The following SLC39A6 variants were observed in gnomAD, a reference collection of about 807,000 sequenced individuals.
SLC39A6 encodes the protein zinc transporter ZIP6.
A neutral mutation model predicts 63.5 loss-of-function variants in SLC39A6; 51 were observed. The ratio of observed to expected loss-of-function variants is 0.80; its 90% confidence interval spans 0.64 to 1.01. The LOEUF (loss-of-function observed/expected upper bound fraction) is 1.01, where lower values mean the gene tolerates loss of function less well. Among genes scored for constraint, SLC39A6 ranks in the 50% least tolerant of loss-of-function variants. The probability of loss-of-function intolerance (pLI) is 0.00; values close to 1 mark genes in which losing one functional copy is unlikely to be tolerated. For synonymous variants in SLC39A6, 318 were observed against 324.7 expected (o/e 0.98, Z 0.22); for missense variants, 805 against 927.8 (o/e 0.87, Z 1.72).
intron 5 of SLC39A6, among the ~76,000 whole-genome samples, chr18:36,121,466 T>C (rs969007391): frequency 2.6e-5 from 4 of 152,202 alleles, no homozygotes; most frequent in African/African-American, 9.6e-5. Flanking sequence ...CCACATCATT[T>C]TTAAGAGTCT....
chr18:36,115,461 AAAC>A (rs59445780), intron 6 of SLC39A6, among the ~76,000 whole-genome samples: 13,224 of 147,434 alleles, frequency 0.09, 644 homozygotes, highest in African/African-American at 0.11. Context: ...AAAAAAATTA[AAAC>A]AACAACAACA....
At position 36,109,698 on chromosome 18, in the gene SLC39A6, G is replaced by T. The variant is rs776696423; in HGVS notation, c.2163C>A (p.Arg721=). The T allele has an allele frequency of 6.2e-7, 1 of 1,612,758 alleles. No homozygotes were observed. The highest frequency in any genetic ancestry group is 8.5e-7 in the Non-Finnish European group (1 of 1,179,060). The change falls in exon 10 of 10, where the codon CGC becomes CGA. Residue 721 remains arginine (R), a synonymous_variant. Transcript: ENST00000269187. ...CATTCTGTAAAAAGAAATACCCCCA[G>T]CGGCTACATCCATGGTCACTAGCAT... is the stretch of plus-strand genomic sequence containing the variant. ...HNDASDHGCS[R]WGYFFLQNAG...
At position 36,126,964 on chromosome 18, in the gene SLC39A6, A is replaced by G; in HGVS notation, c.44T>C (p.Leu15Pro). Reference sequence around the variant, plus strand: ...TTCATGAAGGGGATTTGTGACAGAGAGGGCAAAGGTCAGGATCAAGATTAC... The same window carrying G: ...TTCATGAAGGGGATTTGTGACAGAGGGGGCAAAGGTCAGGATCAAGATTAC... Reference protein sequence around the residue: ...LSVILILTFALSVTNPLHELK... With the variant: ...LSVILILTFAPSVTNPLHELK... The change falls in exon 2 of 10, where the codon CTC (leucine) becomes CCC (proline). Residue 15 changes from leucine (L) to proline (P), a missense_variant. Physicochemically the swap from Leu to Pro is moderately conservative, Grantham distance 98 (BLOSUM62 -3). Transcript: ENST00000269187. 4 of 1,614,194 alleles carry G rather than the reference A, an allele frequency of 2.5e-6. No individual in the cohort carries two copies. Among genetic ancestry groups the G allele is most frequent in the Non-Finnish European group, 3.4e-6 (4 of 1,180,012 alleles).
At position 36,109,709 on chromosome 18, in the gene SLC39A6, C is replaced by T; in HGVS notation, c.2152G>A (p.Gly718Arg). Reference protein sequence around the residue: ...EMLHNDASDHGCSRWGYFFLQ... With the variant: ...EMLHNDASDHRCSRWGYFFLQ... ...AAGAAATACCCCCAGCGGCTACATC[C>T]ATGGTCACTAGCATCATTGTGCAGC... Residue 718 changes from glycine to arginine, a missense_variant, in exon 10 of 10, where the codon GGA becomes AGA. Gly to Arg is a moderately radical substitution (Grantham distance 125). This residue lies in a region of SLC39A6 where 145 missense variants were observed against 227.2 expected (regional missense o/e 0.64). Transcript: ENST00000269187. 6.2e-7 allele frequency: 1 copy of T among 1,612,922 alleles called. No homozygotes were observed. Among genetic ancestry groups the T allele is most frequent in the Non-Finnish European group, 8.5e-7 (1 of 1,179,358 alleles).
chr18:36,123,943 T>A (rs1355131141), intron 3 of SLC39A6, among the ~76,000 whole-genome samples: 2 of 151,420 alleles, frequency 1.3e-5, no homozygotes, highest in Admixed American at 6.6e-5. Flanking sequence ...GAAAAAAAAA[T>A]GGTTACCAAG....
At chr18:36,124,416 T>A in intron 3 of SLC39A6, 104 bp downstream of exon 3, 1 of 664,134 alleles carries the variant, frequency 1.5e-6, no homozygotes. Context: ...AGATGACATA[T>A]TCAGAATTGT....
In SLC39A6 at chr18:36,114,224, G is replaced by A. The variant is rs765955056; in HGVS notation, c.1716C>T (p.Asn572=). The A allele has an allele frequency of 1.2e-6, 2 of 1,614,192 alleles. No individual in the cohort carries two copies. Among genetic ancestry groups the A allele is most frequent in the Non-Finnish European group, 1.7e-6 (2 of 1,180,034 alleles). Residue 572 remains asparagine (N), a synonymous_variant, in exon 7 of 10, where the codon AAC becomes AAT. Coordinates refer to ENST00000269187, the MANE Select transcript of SLC39A6 (RefSeq NM_012319.4). ...HHILHHHHHQ[N]HHPHSHSQRY... ...GCTGGCTGTGACTGTGAGGATGGTG[G>A]TTTTGGTGGTGGTGATGATGGAGAA...
At chr18:36,111,914 G>A (rs1007518244) in intron 8 of SLC39A6, among the ~76,000 whole-genome samples, 1 of 152,140 alleles carries the variant, frequency 6.6e-6, no homozygotes, top group Admixed American at 6.5e-5. Flanking sequence ...GGGAGGAATG[G>A]GTGGAGAACA....
intron 1 of SLC39A6, among the ~76,000 whole-genome samples, chr18:36,127,750 T>C (rs2089451369): frequency 6.7e-6 from 1 of 149,946 alleles, no homozygotes; most frequent in Admixed American, 6.8e-5. Context: ...CATACTCAAA[T>C]ACATGTATAC....
At chr18:36,113,359 A>G (rs1215640674) in intron 7 of SLC39A6, among the ~76,000 whole-genome samples, 2 of 152,050 alleles carry the variant, frequency 1.3e-5, no homozygotes, top group African/African-American at 2.4e-5. Context: ...TTGGCCACCC[A>G]AAGTGCTGGG....
rs2089328026 is a variant in SLC39A6 at position 36,114,489 on chromosome 18, A to G, written c.1466-15T>C. 6.3e-7 allele frequency: 1 copy of G among 1,592,748 alleles called. No homozygotes were observed. Among genetic ancestry groups the G allele is most frequent in the Non-Finnish European group, 8.5e-7 (1 of 1,170,804 alleles). On this transcript the variant is annotated splice_polypyrimidine_tract_variant and intron_variant, in intron 6 of 9. Transcript: ENST00000269187. ...GCCTTCAGTTCCTAGGAATAAACAT[A>G]AAGGGCATGGGGACAGTTAGAAGGC...
In SLC39A6 at chr18:36,126,562, T is replaced by C. The variant is rs766944788; in HGVS notation, c.446A>G (p.His149Arg). Reference protein sequence around the residue: ...KNKRKALCPDHDSDSSGKDPR... With the variant: ...KNKRKALCPDRDSDSSGKDPR... ...ATCTTTACCTGAACTATCTGAGTCA[T>C]GGTCTGGGCAAAGAGCTTTTCGCTT... is the stretch of plus-strand genomic sequence containing the variant. Residue 149 changes from histidine (H) to arginine (R), a missense_variant, in exon 2 of 10, where the codon CAT becomes CGT. By Grantham distance (29) the His-to-Arg change is conservative. Coordinates refer to ENST00000269187, the MANE Select transcript of SLC39A6 (RefSeq NM_012319.4). 2.2e-5 allele frequency: 35 copies of C among 1,614,098 alleles called. No homozygotes were observed. Among genetic ancestry groups the C allele is most frequent in the African/African-American group, 8.0e-5 (6 of 74,928 alleles).
At position 36,126,725 on chromosome 18, in the gene SLC39A6, C is replaced by A; in HGVS notation, c.283G>T (p.Asp95Tyr). The A allele has an allele frequency of 1.9e-6, 3 of 1,614,136 alleles. No individual in the cohort carries two copies. Among genetic ancestry groups the A allele is most frequent in the Non-Finnish European group, 2.5e-6 (3 of 1,179,996 alleles). Residue 95 changes from aspartate to tyrosine, a missense_variant, in exon 2 of 10, where the codon GAC becomes TAC. This residue lies in a region of SLC39A6 where 639 missense variants were observed against 644.0 expected (regional missense o/e 0.99). Transcript: ENST00000269187. ...DKIKRIHIHH[D>Y]HDHHSDHEHH... ...TCGTGGTCTGAGTGATGGTCGTGGT[C>A]ATGGTGTATATGGATTCTTTTAATC...
intron 9 of SLC39A6, among the ~76,000 whole-genome samples, chr18:36,109,982 T>C (rs1199491461): frequency 6.6e-6 from 1 of 152,190 alleles, no homozygotes; most frequent in African/African-American, 2.4e-5. Flanking sequence ...AAAGTTTGTA[T>C]TGGTTCCAGT....
At position 36,109,363 on chromosome 18, in the gene SLC39A6, T is replaced by C. The variant is rs1189987066; in HGVS notation, c.*230A>G. 2 of 334,294 alleles carry C rather than the reference T, an allele frequency of 6.0e-6. No homozygotes were observed. The highest frequency in any genetic ancestry group is 1.1e-5 in the Non-Finnish European group (2 of 184,206). 20.7% of individuals were successfully genotyped at this position (334,294 alleles called of 1,614,324 possible). On this transcript the variant is annotated 3_prime_UTR_variant, in exon 10 of 10. Transcript: ENST00000269187. ...CATGCCAAATCTCTTGTTTACATAA[T>C]AAACTGGTAATACCGGTGAATTGCA...
rs2089291082 is a variant in SLC39A6 at position 36,110,381 on chromosome 18, A to T, written c.2116-636T>A. On this transcript the variant is annotated intron_variant, in intron 9 of 9. Transcript: ENST00000269187. ...AAAATGATACATCAGAAGGATGTAG[A>T]TATTTTTGTGAATCTGGACACATAT... is the stretch of plus-strand genomic sequence containing the variant. Among the ~76,000 whole-genome samples the T allele has an allele frequency of 2.0e-5, 3 of 150,796 alleles. No homozygotes were observed. In the South Asian group the frequency reaches 6.4e-4, roughly 32 times the overall value.
intron 5 of SLC39A6, among the ~76,000 whole-genome samples, chr18:36,119,971 A>T (rs2089378633): frequency 6.6e-6 from 1 of 152,282 alleles, no homozygotes; most frequent in Non-Finnish European, 1.5e-5. Flanking sequence ...TGAGAATGTT[A>T]AATAAATTAT....
chr18:36,120,355 C>T (rs1360886791), intron 5 of SLC39A6, among the ~76,000 whole-genome samples: 1 of 152,100 alleles, frequency 6.6e-6, no homozygotes, highest in Non-Finnish European at 1.5e-5. Context: ...AGATGACTTC[C>T]TTGATTAAGA....
rs763736384 is a variant in SLC39A6, at chr18:36,123,640, A to G, written c.995T>C (p.Ile332Thr). The change falls in exon 4 of 10, where the codon ATT (isoleucine) becomes ACT (threonine). Residue 332 changes from isoleucine (I) to threonine (T), a missense_variant. Coordinates refer to ENST00000269187, the MANE Select transcript of SLC39A6 (RefSeq NM_012319.4). ...CAGAGACAGGAAACTGATGATGGAAATGGCTATAAAACCACCAACCCAGGC... is the reference window on the plus strand; with the variant it reads ...CAGAGACAGGAAACTGATGATGGAAGTGGCTATAAAACCACCAACCCAGGC... ...QIAWVGGFIA[I>T]SIISFLSLLG... 2 of 1,609,432 alleles carry G rather than the reference A, an allele frequency of 1.2e-6. No homozygotes were observed. Among genetic ancestry groups the G allele is most frequent in the Admixed American group, 3.4e-5 (2 of 58,522 alleles).
Sources: gnomAD v4.1 joint callset for allele counts (sites outside exome capture counted in the v4.1 genomes callset) on GRCh38, gnomAD v4.1.1 for gene constraint, gnomAD v4.1.1 regional missense constraint, MANE v1.5 for transcripts, NCBI Gene and HGNC (gene_info 2026-07-23, HGNC 2026-07-21) for gene names.